C14orf39: variants seen among roughly 807,000 people sequenced by gnomAD.
C14orf39 encodes chromosome 14 open reading frame 39.
C14orf39 carries 66 observed loss-of-function variants against 85.6 expected under a neutral mutation model. That is an observed-to-expected ratio of 0.77 (90% CI 0.63 to 0.95). The LOEUF (loss-of-function observed/expected upper bound fraction) is 0.95, where lower values mean the gene tolerates loss of function less well. C14orf39 is among the 40% of genes least tolerant of loss of function. C14orf39 has a pLI of 0.00. For synonymous variants in C14orf39, 242 were observed against 214.0 expected (o/e 1.13, Z -1.14); for missense variants, 735 against 663.9 (o/e 1.11, Z -1.18).
rs746573814 is a variant in C14orf39 at position 60,468,521 on chromosome 14, T to C, written c.691A>G (p.Asn231Asp). Residue 231 changes from asparagine to aspartate, a missense_variant, in exon 9 of 18, where the codon AAT becomes GAT. Coordinates refer to ENST00000321731, the MANE Select transcript of C14orf39 (RefSeq NM_174978.3). ...GTTTCTGAAAGAGCCTTAGTTTCAT[T>C]ATGCCTAGATATCTGCTAAAAAGAC... is the stretch of plus-strand genomic sequence containing the variant. Reference protein sequence around the residue: ...NYLNQQISRHNETKALSETLE... With the variant: ...NYLNQQISRHDETKALSETLE... 7 of 1,576,808 alleles carry C rather than the reference T, an allele frequency of 4.4e-6. No individual in the cohort carries two copies. In the Admixed American group the frequency reaches 1.3e-4, roughly 28 times the overall value.
chr14:60,449,221 C>T (rs1438595602), intron 16 of C14orf39, among the ~76,000 whole-genome samples: 1 of 151,978 alleles, frequency 6.6e-6, no homozygotes, highest in Non-Finnish European at 1.5e-5. Context: ...TGTAATCAAA[C>T]CCAATTATTT....
At chr14:60,512,712 T>C (rs1241578384) in intron 1 of C14orf39, 3 of 152,238 alleles carry the variant, frequency 2.0e-5, no homozygotes, top group Non-Finnish European at 2.9e-5. Context: ...TATGCACCTA[T>C]ACATGAACAA....
At position 60,442,150 on chromosome 14, in the gene C14orf39, T is replaced by C. The variant is rs765041895; in HGVS notation, c.1504-19A>G. 13 of 1,505,632 alleles carry C rather than the reference T, an allele frequency of 8.6e-6. No homozygotes were observed. In the South Asian group the frequency reaches 1.2e-4, roughly 14 times the overall value. 93.3% of individuals were successfully genotyped at this position (1,505,632 alleles called of 1,614,324 possible). On this transcript the variant is annotated intron_variant, in intron 16 of 17. Coordinates refer to ENST00000321731, the MANE Select transcript of C14orf39 (RefSeq NM_174978.3). The stretch of plus-strand genomic sequence containing the variant: ...CATTAAACTGGAAAATAATTTCCAT[T>C]AAATATTACTTGTGAAATCAGTAGG...
At chr14:60,461,314 T>C in intron 13 of C14orf39, 40 bp downstream of exon 13, 2 of 1,538,540 alleles carry the variant, frequency 1.3e-6, no homozygotes, top group Non-Finnish European at 1.8e-6. Context: ...TATAATTTGT[T>C]ACCCCGACTT....
At chr14:60,442,871 G>C (rs936140516) in intron 16 of C14orf39, among the ~76,000 whole-genome samples, 1 of 152,028 alleles carries the variant, frequency 6.6e-6, no homozygotes, top group Non-Finnish European at 1.5e-5. Context: ...TTATCTCTTT[G>C]TCAAATGGAC....
At position 60,483,807 on chromosome 14, in the gene C14orf39, T is replaced by C. The variant is rs1025446583; in HGVS notation, c.117A>G (p.Glu39=). 6.0e-6 allele frequency: 9 copies of C among 1,500,942 alleles called. No homozygotes were observed. Among genetic ancestry groups the C allele is most frequent in the African/African-American group, 4.2e-5 (3 of 71,722 alleles). 93.0% of individuals were successfully genotyped at this position (1,500,942 alleles called of 1,614,324 possible). A position where few individuals can be genotyped will look rare whatever the true frequency, so the allele number is the denominator to read the frequency against. ...TAGTTACTTTGTTTTCCTTAATATC[T>C]TCACAGCATTCTACAAAGAGAAAAT... The part of the protein sequence containing the change: ...EMIQRINKCC[E]DIKENKVTIC... The change falls in exon 4 of 18, where the codon GAA becomes GAG. Residue 39 remains glutamate (E), a synonymous_variant. Transcript: ENST00000321731.
intron 1 of C14orf39, among the ~76,000 whole-genome samples, chr14:60,505,219 A>G (rs1327340055): frequency 6.6e-6 from 1 of 152,234 alleles, no homozygotes; most frequent in African/African-American, 2.4e-5. Context: ...CAGGGGAGGA[A>G]TGCATGAAAT....
chr14:60,465,960 C>A lies in C14orf39; in HGVS notation c.972+19G>T. The A allele has an allele frequency of 2.1e-6, 3 of 1,440,630 alleles. No individual in the cohort carries two copies. Among genetic ancestry groups the A allele is most frequent in the Non-Finnish European group, 2.8e-6 (3 of 1,064,844 alleles). The allele number at this position is 1,440,630 out of a possible 1,614,324, so 89.2% of individuals were successfully genotyped here. A position where few individuals can be genotyped will look rare whatever the true frequency, so the allele number is the denominator to read the frequency against. On this transcript the variant is annotated intron_variant, in intron 11 of 17. Coordinates refer to ENST00000321731, the MANE Select transcript of C14orf39 (RefSeq NM_174978.3). ...GCAAGCAGGTATTTAATTTATACTACTAAAAGTGAGACACCTACCTGTGTA... is the reference window on the plus strand; with the variant it reads ...GCAAGCAGGTATTTAATTTATACTAATAAAAGTGAGACACCTACCTGTGTA...
At chr14:60,445,029 G>C (rs1049107867) in intron 16 of C14orf39, among the ~76,000 whole-genome samples, 10 of 152,058 alleles carry the variant, frequency 6.6e-5, no homozygotes, top group Admixed American at 5.2e-4. Flanking sequence ...AGAGATTTTT[G>C]TCACCACCAG....
At chr14:60,477,561 A>G (rs1486662342) in intron 5 of C14orf39, among the ~76,000 whole-genome samples, 1 of 152,232 alleles carries the variant, frequency 6.6e-6, no homozygotes, top group African/African-American at 2.4e-5. Flanking sequence ...TCATACAATT[A>G]TTGGTGTTTC....
chr14:60,481,859 T>G (rs1011371562), intron 4 of C14orf39, among the ~76,000 whole-genome samples: 1 of 152,198 alleles, frequency 6.6e-6, no homozygotes, highest in African/African-American at 2.4e-5. Context: ...AAACAATCCT[T>G]ATTTGACACT....
intron 2 of C14orf39, among the ~76,000 whole-genome samples, chr14:60,497,201 C>T (rs1018620450): frequency 3.9e-5 from 6 of 152,140 alleles, no homozygotes; most frequent in Non-Finnish European, 5.9e-5. Flanking sequence ...TATTTAATAA[C>T]CTCCTTCTCA....
intron 4 of C14orf39, among the ~76,000 whole-genome samples, chr14:60,480,707 G>A (rs1892600056): frequency 6.6e-6 from 1 of 152,072 alleles, no homozygotes; most frequent in South Asian, 2.1e-4. Context: ...CAACCTAAGT[G>A]TTCCACAAGA....
At chr14:60,477,968 A>G (rs1892462400) in intron 5 of C14orf39, among the ~76,000 whole-genome samples, 1 of 152,058 alleles carries the variant, frequency 6.6e-6, no homozygotes, top group South Asian at 2.1e-4. Context: ...TCACGAGGTC[A>G]GGAGATCGAG....
At chr14:60,457,392 T>C (rs1891329285) in intron 14 of C14orf39, among the ~76,000 whole-genome samples, 2 of 151,978 alleles carry the variant, frequency 1.3e-5, no homozygotes, top group Non-Finnish European at 2.9e-5. Flanking sequence ...CTAGGAATGA[T>C]TTTTCTTTTA....
intron 14 of C14orf39, among the ~76,000 whole-genome samples, chr14:60,457,393 T>G (rs1320539070): frequency 6.6e-6 from 1 of 151,976 alleles, no homozygotes. Context: ...TAGGAATGAT[T>G]TTTCTTTTAA....
At chr14:60,475,878 A>T (rs963281940) in intron 5 of C14orf39, among the ~76,000 whole-genome samples, 1 of 152,108 alleles carries the variant, frequency 6.6e-6, no homozygotes, top group Admixed American at 6.6e-5. Flanking sequence ...ACATTCCTCA[A>T]GATTTTCTCA....
intron 4 of C14orf39, among the ~76,000 whole-genome samples, chr14:60,481,070 A>G (rs1360211265): frequency 6.6e-6 from 1 of 152,188 alleles, no homozygotes; most frequent in Admixed American, 6.5e-5. Context: ...CAGTTAAATA[A>G]TATATATTTC....
rs1024946464 is a variant in C14orf39 at position 60,437,634 on chromosome 14, C to T, written c.1562-587G>A. Among the ~76,000 whole-genome samples, 5 of 151,776 alleles carry T rather than the reference C, an allele frequency of 3.3e-5. No homozygotes were observed. The South Asian group carries it at 6.2e-4, about 19-fold the overall frequency. On this transcript the variant is annotated intron_variant, in intron 17 of 17. Transcript: ENST00000321731. The stretch of plus-strand genomic sequence containing the variant: ...CAGGAGAGTCTAGAAGTGGGACTAA[C>T]CAAAATAAAATAAAAGTCTATTGTC...
Sources: allele counts gnomAD v4.1 joint callset (sites outside exome capture counted in the v4.1 genomes callset), GRCh38; gene constraint gnomAD v4.1.1; transcripts MANE v1.5; gene names NCBI Gene and HGNC (gene_info 2026-07-23, HGNC 2026-07-21).